The following APBB2 variants were observed in gnomAD, a reference collection of about 807,000 sequenced individuals.
The protein encoded by APBB2 is Fe65-like 1.
A neutral mutation model predicts 82.5 loss-of-function variants in APBB2; 38 were observed. That is an observed-to-expected ratio of 0.46 (90% CI 0.36 to 0.60). The LOEUF (loss-of-function observed/expected upper bound fraction) is 0.60. Ranked by LOEUF, APBB2 falls within the 20% of genes least tolerant of loss-of-function variation. The probability of loss-of-function intolerance (pLI) is 0.00; values close to 1 mark genes in which losing one functional copy is unlikely to be tolerated. For missense variants in APBB2, 772 were observed against 972.3 expected (o/e 0.79, Z 2.74); for synonymous variants, 341 against 368.2 (o/e 0.93, Z 0.85).
intron 4 of APBB2, among the ~76,000 whole-genome samples, chr4:41,054,287 C>T (rs62413771): frequency 0.25 from 38,021 of 152,130 alleles, 5,182 homozygotes; most frequent in Non-Finnish European, 0.3. Flanking sequence ...CAACCTCACT[C>T]CCATCCCAGT....
At chr4:41,035,147 GA>G (rs986704145) in intron 4 of APBB2, among the ~76,000 whole-genome samples, 4 of 151,990 alleles carry the variant, frequency 2.6e-5, no homozygotes, top group East Asian at 1.9e-4. Context: ...AAAGTTAAAA[GA>G]AAAAAATCAA....
chr4:41,130,756 G>A (rs3098917), intron 2 of APBB2, among the ~76,000 whole-genome samples: 34,352 of 151,754 alleles, frequency 0.23, 4,793 homozygotes, highest in East Asian at 0.6. Flanking sequence ...CCAAGACCAC[G>A]CCCTCCCCAC....
chr4:41,205,017 A>G (rs17527793), intron 1 of APBB2, among the ~76,000 whole-genome samples: 8,139 of 152,214 alleles, frequency 0.053, 247 homozygotes, highest in Middle Eastern at 0.13. Context: ...TTTACAAGCA[A>G]AAATTAGGCA....
intron 1 of APBB2, among the ~76,000 whole-genome samples, chr4:41,176,374 T>A (rs1235547138): frequency 6.6e-6 from 1 of 152,118 alleles, no homozygotes; most frequent in Non-Finnish European, 1.5e-5. Flanking sequence ...TATTTTTTTT[T>A]AGCAGTTTAC....
chr4:41,072,617 C>T (rs1961627), intron 3 of APBB2, among the ~76,000 whole-genome samples: 31,493 of 152,050 alleles, frequency 0.21, 3,452 homozygotes, highest in Non-Finnish European at 0.23. Context: ...TTGTTTATTT[C>T]TTGGTTCTTA....
chr4:41,029,688 CAT>C (rs1217077109), intron 5 of APBB2, among the ~76,000 whole-genome samples: 2 of 151,190 alleles, frequency 1.3e-5, no homozygotes, highest in South Asian at 2.1e-4. Flanking sequence ...TAAACATATA[CAT>C]GTTTTATTTG....
chr4:41,175,067 G>A (rs1350137472), intron 1 of APBB2, among the ~76,000 whole-genome samples: 1 of 152,124 alleles, frequency 6.6e-6, no homozygotes. Context: ...ACTAGAAATA[G>A]TTTGGATAGA....
At chr4:41,074,819 G>T (rs1055563225) in intron 3 of APBB2, among the ~76,000 whole-genome samples, 2 of 151,416 alleles carry the variant, frequency 1.3e-5, no homozygotes, top group East Asian at 3.9e-4. Context: ...CCATATTATT[G>T]TTTTTTTTAA....
At chr4:41,045,299 GTT>G (rs1722993749) in intron 4 of APBB2, among the ~76,000 whole-genome samples, 1 of 151,396 alleles carries the variant, frequency 6.6e-6, no homozygotes, top group Admixed American at 6.6e-5. Flanking sequence ...TTTTTGTTTT[GTT>G]TTGTTTTTTT....
intron 1 of APBB2, among the ~76,000 whole-genome samples, chr4:41,168,181 A>C (rs772170280): frequency 3.3e-5 from 5 of 151,240 alleles, no homozygotes; most frequent in Non-Finnish European, 5.9e-5. Context: ...AGGCAGGAGA[A>C]TGGCATGAAC....
At chr4:40,881,151 G>A (rs992783141) in intron 12 of APBB2, 14 of 985,406 alleles carry the variant, frequency 1.4e-5, no homozygotes, top group African/African-American at 1.7e-5. Context: ...CAAGTAAATC[G>A]TGATGCCTCT....
intron 12 of APBB2, among the ~76,000 whole-genome samples, chr4:40,847,939 G>A (rs765341905): frequency 6.6e-6 from 1 of 151,812 alleles, no homozygotes; most frequent in Non-Finnish European, 1.5e-5. Flanking sequence ...CCCAAGTAGC[G>A]GGGGCTATAG....
At chr4:40,886,498 AC>A (rs1216330773) in intron 12 of APBB2, among the ~76,000 whole-genome samples, 4 of 152,072 alleles carry the variant, frequency 2.6e-5, no homozygotes, top group African/African-American at 9.7e-5. Flanking sequence ...GAAAAAAAAA[AC>A]AAAAGAAATT....
intron 4 of APBB2, among the ~76,000 whole-genome samples, chr4:41,040,435 T>C (rs928500341): frequency 6.6e-6 from 1 of 152,210 alleles, no homozygotes; most frequent in Non-Finnish European, 1.5e-5. Flanking sequence ...GTGCCAGGCA[T>C]TGTGCTAAGT....
chr4:40,907,375 ATATATTTT>A lies in APBB2; in HGVS notation c.1255-13972_1255-13965del, dbSNP rs1453213899. Among the ~76,000 whole-genome samples, 66 of 32,492 alleles carry A rather than the reference ATATATTTT, an allele frequency of 2.0e-3. No homozygotes were observed. In the East Asian group the frequency reaches 0.039, roughly 19 times the overall value. The allele number at this position is 32,492 out of a possible 152,430, so 21.3% of individuals were successfully genotyped here. A position where few individuals can be genotyped will look rare whatever the true frequency, so the allele number is the denominator to read the frequency against. On this transcript the variant is annotated intron_variant, in intron 10 of 17. Transcript: ENST00000508593. ...TATATATATATATATATATATATAT[ATATATTTT>A]TTTTTTTTTTTTTTTTTAGACAGAG...
chr4:40,828,514 A>G (rs964002572), intron 13 of APBB2, among the ~76,000 whole-genome samples: 1 of 152,190 alleles, frequency 6.6e-6, no homozygotes, highest in African/African-American at 2.4e-5. Context: ...TTTCCTGCAT[A>G]CTTATTCTGT....
In APBB2 at chr4:41,014,285, G is replaced by A. The variant is rs1809244496; in HGVS notation, c.133C>T (p.His45Tyr). Reference sequence around the variant, plus strand: ...ATTTCAGCGTTCAACAGTTCATTGTGGGAGGATCGGAGGTTAAGGGTGTTT... The same window carrying A: ...ATTTCAGCGTTCAACAGTTCATTGTAGGAGGATCGGAGGTTAAGGGTGTTT... ...PPNTLNLRSSHNELLNAEIKH... is the reference protein window; with the variant it reads ...PPNTLNLRSSYNELLNAEIKH... Residue 45 changes from histidine (H) to tyrosine (Y), a missense_variant, in exon 6 of 18, where the codon CAC becomes TAC. By Grantham distance (83) the His-to-Tyr change is moderately conservative. Coordinates refer to ENST00000508593, the MANE Select transcript of APBB2 (RefSeq NM_004307.2). 6.2e-7 allele frequency: 1 copy of A among 1,614,160 alleles called. No homozygotes were observed. The highest frequency in any genetic ancestry group is 8.5e-7 in the Non-Finnish European group (1 of 1,180,044).
At chr4:41,182,526 T>C (rs890849886) in intron 1 of APBB2, among the ~76,000 whole-genome samples, 1 of 152,234 alleles carries the variant, frequency 6.6e-6, no homozygotes, top group Non-Finnish European at 1.5e-5. Context: ...GAACTCTGGA[T>C]TCCAGAATCT....
chr4:41,014,468 T>G (rs1406831919), intron 5 of APBB2, 70 bp from the exon 6 acceptor site: 6 of 1,373,172 alleles, frequency 4.4e-6, no homozygotes, highest in Non-Finnish European at 6.1e-6. Context: ...GAGTAAATAT[T>G]TTTATATAGA....
Sources: gnomAD v4.1 joint callset for allele counts (sites outside exome capture counted in the v4.1 genomes callset) on GRCh38, gnomAD v4.1.1 for gene constraint, MANE v1.5 for transcripts, NCBI Gene and HGNC (gene_info 2026-07-23, HGNC 2026-07-21) for gene names.